LGR5: variants seen among roughly 807,000 people sequenced by gnomAD.
LGR5 encodes leucine-rich repeat-containing G protein-coupled receptor 5.
Under a neutral mutation model 76.7 loss-of-function variants are expected in LGR5, and 54 were observed. The ratio of observed to expected loss-of-function variants is 0.70; its 90% CI spans 0.57 to 0.88. LGR5 has a LOEUF of 0.88. Among genes scored for constraint, LGR5 ranks in the 40% least tolerant of loss-of-function variants. The pLI is 0.00. For synonymous variants in LGR5, 406 were observed against 421.9 expected (o/e 0.96, Z 0.46); for missense variants, 1,078 against 1,073.3 (o/e 1.00, Z -0.06).
intron 4 of LGR5, among the ~76,000 whole-genome samples, chr12:71,548,849 C>CACAA (rs1215592254): frequency 6.9e-6 from 1 of 145,188 alleles, no homozygotes; most frequent in African/African-American, 2.5e-5. Flanking sequence ...CACACACACA[C>CACAA]CCTCTGTGAC....
Position 71,584,041 on chromosome 12 carries a change from A to G in LGR5, c.2031A>G (p.Pro677=), listed in dbSNP as rs138932490. The G allele has an allele frequency of 2.3e-3, 3,672 of 1,614,130 alleles. 8 individuals are homozygous for G. The highest frequency in any genetic ancestry group is 2.9e-3 in the Non-Finnish European group (3,408 of 1,180,032). Residue 677 remains proline (P), a synonymous_variant, in exon 18 of 18, where the codon CCA becomes CCG. Transcript: ENST00000266674. The stretch of plus-strand genomic sequence containing the variant: ...CTGCAAAATTTGAAACGAAAGCTCC[A>G]TTTTCTAGCCTGAAAGTAATCATTT... ...KYSAKFETKA[P]FSSLKVIILL...
In LGR5 at chr12:71,581,345, G is replaced by T. The variant is rs538057751; in HGVS notation, c.1552+922G>T. ...AGACGTTACCTAAACAGACAACAAT[G>T]CCTCTCAAACCACACCTGTGGTAAT... On this transcript the variant is annotated intron_variant, in intron 16 of 17. Coordinates refer to ENST00000266674, the MANE Select transcript of LGR5 (RefSeq NM_003667.4). Among the ~76,000 whole-genome samples, 4 of 152,302 alleles carry T rather than the reference G, an allele frequency of 2.6e-5. No individual in the cohort carries two copies. The South Asian group carries it at 8.3e-4, about 32-fold the overall frequency.
In LGR5 at chr12:71,561,823, A is replaced by G; in HGVS notation, c.828A>G (p.Ala276=). The change falls in exon 8 of 18, where the codon GCA becomes GCG. Residue 276 remains alanine, a synonymous_variant. Transcript: ENST00000266674. The part of the protein sequence containing the change: ...SNNIRSIPEK[A]FVGNPSLITI... The stretch of plus-strand genomic sequence containing the variant: ...ATATCAGGTCGATACCTGAGAAAGC[A>G]TTTGTAGGCAACCCTTCTCTTATTA... 1 of 1,606,694 alleles carries G rather than the reference A, an allele frequency of 6.2e-7. No homozygotes were observed.
intron 11 of LGR5, among the ~76,000 whole-genome samples, chr12:71,568,686 A>G (rs1795463): frequency 0.88 from 134,121 of 152,228 alleles, 61,068 homozygotes; most frequent in East Asian, 1. Flanking sequence ...TGTATCAACC[A>G]AGTAGAATTA....
rs1172931613 is a variant in LGR5, at chr12:71,563,973, ACGCAC to A, written c.857+2122_857+2126del. Among the ~76,000 whole-genome samples the A allele has an allele frequency of 1.4e-3, 54 of 38,982 alleles. 2 individuals are homozygous for A. Among genetic ancestry groups the A allele is most frequent in the African/African-American group, 2.6e-3 (51 of 19,818 alleles). 25.6% of individuals were successfully genotyped at this position (38,982 alleles called of 152,430 possible). On this transcript the variant is annotated intron_variant, in intron 8 of 17. Coordinates refer to ENST00000266674, the MANE Select transcript of LGR5 (RefSeq NM_003667.4). ...TATGCATATATACGTATCTGTACAC[ACGCAC>A]TGTGTATATATGCATATATACGTAT... is the stretch of plus-strand genomic sequence containing the variant.
chr12:71,571,378 C>T (rs938998995), intron 11 of LGR5, 136 bp from the exon 12 acceptor site: 2 of 554,432 alleles, frequency 3.6e-6, no homozygotes, highest in East Asian at 6.0e-5. Flanking sequence ...ACTACCTGCT[C>T]CATGTCAGGG....
chr12:71,500,336 T>C (rs927509697), intron 1 of LGR5, among the ~76,000 whole-genome samples: 1 of 152,156 alleles, frequency 6.6e-6, no homozygotes, highest in Admixed American at 6.5e-5. Flanking sequence ...CTCCAGACAG[T>C]TGTTTTCAGC....
rs1004173582 is a variant in LGR5, at chr12:71,544,953, A to G, written c.429-8120A>G. ...AATGTACTGTTTAAGAGGGTTGGTC[A>G]CCTCTTTAAAACTTATTTTTTTAAA... On this transcript the variant is annotated intron_variant, in intron 4 of 17. Coordinates refer to ENST00000266674, the MANE Select transcript of LGR5 (RefSeq NM_003667.4). 2.0e-5 allele frequency among the ~76,000 whole-genome samples: 3 copies of G among 152,004 alleles called. No homozygotes were observed. In the East Asian group the frequency reaches 5.8e-4, roughly 29 times the overall value.
chr12:71,547,997 A>G (rs1246788044), intron 4 of LGR5, among the ~76,000 whole-genome samples: 1 of 152,170 alleles, frequency 6.6e-6, no homozygotes, highest in East Asian at 1.9e-4. Flanking sequence ...CAAAAGGACC[A>G]TAAAGTGGGT....
intron 7 of LGR5, among the ~76,000 whole-genome samples, chr12:71,560,838 G>T (rs971404659): frequency 2.0e-5 from 3 of 152,120 alleles, no homozygotes; most frequent in Non-Finnish European, 4.4e-5. Context: ...AATCCATTTT[G>T]TGCAAGGGTC....
At position 71,566,411 on chromosome 12, in the gene LGR5, T is replaced by A. The variant is rs1243949851; in HGVS notation, c.865T>A (p.Tyr289Asn). ...TGTTTGGGTTTCTTTTAGACATTTC[T>A]ATGACAATCCCATCCAGTTTGTTGG... ...GNPSLITIHF[Y>N]DNPIQFVGRS... Residue 289 changes from tyrosine (Y) to asparagine (N), a missense_variant, in exon 9 of 18, where the codon TAT becomes AAT. Transcript: ENST00000266674. 6.3e-7 allele frequency: 1 copy of A among 1,595,916 alleles called. No individual in the cohort carries two copies. Among genetic ancestry groups the A allele is most frequent in the Non-Finnish European group, 8.6e-7 (1 of 1,164,280 alleles).
At chr12:71,576,934 C>T (rs1486397023) in intron 13 of LGR5, among the ~76,000 whole-genome samples, 2 of 152,154 alleles carry the variant, frequency 1.3e-5, no homozygotes, top group East Asian at 1.9e-4. Flanking sequence ...ACCTTCCATA[C>T]GTTTCCTCCC....
chr12:71,556,262 AC>A (rs777924599), intron 5 of LGR5, among the ~76,000 whole-genome samples: 1 of 151,394 alleles, frequency 6.6e-6, no homozygotes, highest in Non-Finnish European at 1.5e-5. Flanking sequence ...TTTACAATAG[AC>A]CCCCATGACA....
intron 15 of LGR5, 32 bp from the exon 16 acceptor site, chr12:71,580,242 TTAAG>T (rs760977035): frequency 6.4e-7 from 1 of 1,565,160 alleles, no homozygotes; most frequent in South Asian, 1.2e-5. Context: ...ATCCGTTTCT[TTAAG>T]TGTTTTTTGT....
intron 1 of LGR5, among the ~76,000 whole-genome samples, chr12:71,488,399 T>C (rs914704568): frequency 7.2e-5 from 11 of 152,274 alleles, no homozygotes; most frequent in African/African-American, 2.6e-4. Flanking sequence ...GTTTCAAGAC[T>C]CTGAAGTTTT....
chr12:71,543,194 C>G (rs942740745), intron 4 of LGR5, among the ~76,000 whole-genome samples: 2 of 152,156 alleles, frequency 1.3e-5, no homozygotes, highest in Non-Finnish European at 2.9e-5. Context: ...GTTCATCTCC[C>G]CTAGTTTAAC....
At chr12:71,469,903 G>A (rs1873023624) in intron 1 of LGR5, among the ~76,000 whole-genome samples, 1 of 152,104 alleles carries the variant, frequency 6.6e-6, no homozygotes, top group African/African-American at 2.4e-5. Flanking sequence ...ACCTAATGAA[G>A]GCTCACCTCT....
chr12:71,480,379 A>G (rs1873540626), intron 1 of LGR5, among the ~76,000 whole-genome samples: 1 of 148,092 alleles, frequency 6.8e-6, no homozygotes, highest in African/African-American at 2.5e-5. Context: ...AAAAAAAAAA[A>G]GAGAATGAGG....
chr12:71,506,856 C>T (rs1179604855), intron 2 of LGR5, among the ~76,000 whole-genome samples: 2 of 152,054 alleles, frequency 1.3e-5, no homozygotes, highest in Admixed American at 1.3e-4. Flanking sequence ...TGGTTTATTC[C>T]TTTGTTCCCA....
Sources: allele counts gnomAD v4.1 joint callset (sites outside exome capture counted in the v4.1 genomes callset), GRCh38; gene constraint gnomAD v4.1.1; transcripts MANE v1.5; gene names NCBI Gene and HGNC (gene_info 2026-07-23, HGNC 2026-07-21).